The following RIMS1 variants were observed in gnomAD, a reference collection of about 807,000 sequenced individuals.
The protein encoded by RIMS1 is regulating synaptic membrane exocytosis protein 1.
In RIMS1, 83 loss-of-function variants were observed where a neutral mutation model predicts 214.1. The observed-to-expected ratio is 0.39, with a 90% CI of 0.32 to 0.47. The LOEUF (loss-of-function observed/expected upper bound fraction) is 0.47. Among genes scored for constraint, RIMS1 ranks in the 20% least tolerant of loss-of-function variants. The pLI is 0.99. For synonymous variants in RIMS1, 793 were observed against 786.8 expected, an observed-to-expected ratio of 1.01 and a Z score of -0.13; for missense variants, 2,050 against 2,161.8, an observed-to-expected ratio of 0.95 and a Z score of 1.03.
rs563081375 is a variant in RIMS1, at chr6:71,954,305, T to C, written c.165-14678T>C. Among the ~76,000 whole-genome samples, 3 of 152,342 alleles carry C rather than the reference T, an allele frequency of 2.0e-5. No individual in the cohort carries two copies. In the South Asian group the frequency reaches 6.2e-4, roughly 32 times the overall value. On this transcript the variant is annotated intron_variant, in intron 1 of 33. Transcript: ENST00000521978. ...ATCTTAAGTAATATTTTCTGAGAAA[T>C]ACTGAATGCAAATTTACCTCTCAAA...
chr6:71,926,240 CT>C (rs1396966951), intron 1 of RIMS1, among the ~76,000 whole-genome samples: 2 of 152,084 alleles, frequency 1.3e-5, no homozygotes, highest in Non-Finnish European at 2.9e-5. Context: ...CCTTCTGGTG[CT>C]TTTTAAAATA....
Position 72,182,822 on chromosome 6 carries a change from G to T in RIMS1, c.1351G>T (p.Ala451Ser). 1 of 1,550,248 alleles carries T rather than the reference G, an allele frequency of 6.5e-7. No homozygotes were observed. ...GCAGCTAACGAACCACAGCCCGCCG[G>T]CGCCCAGACATGGGCCGGTTCCCGC... ...AKQLTNHSPP[A>S]PRHGPVPAEA... Residue 451 changes from alanine to serine, a missense_variant, in exon 6 of 34, where the codon GCG (alanine) becomes TCG (serine). Ala to Ser is a moderately conservative substitution (Grantham distance 99, BLOSUM62 1). This residue lies in a region of RIMS1 where 882 missense variants were observed against 828.9 expected (regional missense o/e 1.06). Coordinates refer to ENST00000521978, the MANE Select transcript of RIMS1 (RefSeq NM_014989.7).
At chr6:72,249,901 CTT>C (rs1184010934) in intron 12 of RIMS1, among the ~76,000 whole-genome samples, 1 of 152,014 alleles carries the variant, frequency 6.6e-6, no homozygotes, top group Non-Finnish European at 1.5e-5. Context: ...TATCCAAACT[CTT>C]GTTTTTTTTA....
chr6:72,294,185 T>G (rs2154257668), intron 26 of RIMS1, among the ~76,000 whole-genome samples: 1 of 151,876 alleles, frequency 6.6e-6, no homozygotes, highest in East Asian at 1.9e-4. Flanking sequence ...ATGACAGCTT[T>G]GTTTGTCCTA....
chr6:72,240,339 G>A (rs2697447), intron 9 of RIMS1, among the ~76,000 whole-genome samples: 107,107 of 151,924 alleles, frequency 0.71, 38,653 homozygotes, highest in East Asian at 0.98. Flanking sequence ...GCTGGTTGCA[G>A]CTCATTATTG....
rs140935517 is a variant in RIMS1 at position 72,188,358 on chromosome 6, A to G, written c.1678+5209A>G. ...GTAATAATTATGCCGAACATAATAC[A>G]ACTATCCTTCGTACAACCAGAAAGT... On this transcript the variant is annotated intron_variant, in intron 6 of 33. Coordinates refer to ENST00000521978, the MANE Select transcript of RIMS1 (RefSeq NM_014989.7). 2.0e-5 allele frequency among the ~76,000 whole-genome samples: 3 copies of G among 152,360 alleles called. No homozygotes were observed. In the East Asian group the frequency reaches 5.8e-4, roughly 29 times the overall value.
intron 4 of RIMS1, among the ~76,000 whole-genome samples, chr6:72,150,226 A>AAG (rs572803137): frequency 2.0e-5 from 3 of 152,112 alleles, no homozygotes; most frequent in Non-Finnish European, 4.4e-5. Flanking sequence ...AGGCCAGTCA[A>AAG]AGGTGGGCAT....
At chr6:71,955,574 A>T (rs1475739853) in intron 1 of RIMS1, among the ~76,000 whole-genome samples, 1 of 152,124 alleles carries the variant, frequency 6.6e-6, no homozygotes, top group Non-Finnish European at 1.5e-5. Flanking sequence ...TTTGTTACTG[A>T]TTTATAGTAA....
intron 7 of RIMS1, among the ~76,000 whole-genome samples, 196 bp downstream of exon 7, chr6:72,234,036 A>G (rs2063089912): frequency 6.6e-6 from 1 of 152,062 alleles, no homozygotes; most frequent in African/African-American, 2.4e-5. Flanking sequence ...GTAAAAAACA[A>G]TTATTAAATA....
intron 1 of RIMS1, among the ~76,000 whole-genome samples, chr6:71,961,435 G>A (rs973872567): frequency 3.3e-5 from 5 of 151,458 alleles, no homozygotes; most frequent in Admixed American, 3.3e-4. Flanking sequence ...CTTTCCCATG[G>A]GTAATTACTC....
At position 72,091,150 on chromosome 6, in the gene RIMS1, A is replaced by G. The variant is rs151135587; in HGVS notation, c.246-5799A>G. ...CTGTTGGAAGTCCTGCATGCAAACT[A>G]TCCTGGCCTCTGCCCTGCTTTTACC... On this transcript the variant is annotated intron_variant, in intron 2 of 33. Coordinates refer to ENST00000521978, the MANE Select transcript of RIMS1 (RefSeq NM_014989.7). Among the ~76,000 whole-genome samples, 379 of 152,332 alleles carry G rather than the reference A, an allele frequency of 2.5e-3. 2 individuals are homozygous for G. Among genetic ancestry groups the G allele is most frequent in the Middle Eastern group, 6.8e-3 (2 of 294 alleles).
chr6:72,117,653 A>T (rs564987308), intron 4 of RIMS1, among the ~76,000 whole-genome samples: 26 of 152,152 alleles, frequency 1.7e-4, no homozygotes, highest in African/African-American at 6.0e-4. Flanking sequence ...CATGGAAATT[A>T]AATAATATAC....
chr6:72,319,150 G>A (rs1593289440), intron 28 of RIMS1, among the ~76,000 whole-genome samples: 1 of 152,108 alleles, frequency 6.6e-6, no homozygotes, highest in Non-Finnish European at 1.5e-5. Context: ...CCAAGTTAGA[G>A]GGCAAATGCC....
chr6:72,229,716 T>C (rs1015985237), intron 6 of RIMS1, among the ~76,000 whole-genome samples: 22 of 151,988 alleles, frequency 1.4e-4, no homozygotes, highest in African/African-American at 5.3e-4. Flanking sequence ...TTTCAGTATA[T>C]TAATCCAGAG....
intron 6 of RIMS1, among the ~76,000 whole-genome samples, chr6:72,187,479 G>GTTTTTTTTTTTTTTTTTTTTGTTT: frequency 8.0e-6 from 1 of 125,616 alleles, no homozygotes; most frequent in Non-Finnish European, 1.6e-5. Context: ...TATCCTTTTT[G>GTTTTTTTTTTTTTTTTTTTTGTTT]TTTTTTTTTT....
At chr6:72,390,872 C>G in intron 30 of RIMS1, 136 bp downstream of exon 30, 1 of 978,990 alleles carries the variant, frequency 1.0e-6, no homozygotes. Flanking sequence ...TTAAACCACC[C>G]TGATGGCTTA....
At chr6:72,148,712 G>A in intron 4 of RIMS1, 1 of 287,386 alleles carries the variant, frequency 3.5e-6, no homozygotes, top group Non-Finnish European at 6.3e-6. Flanking sequence ...CGGAGACTTG[G>A]GTTTTTTTTT....
rs541213085 is a variant in RIMS1, at chr6:72,353,280, C to T, written c.4366+19445C>T. Among the ~76,000 whole-genome samples, 8 of 152,160 alleles carry T rather than the reference C, an allele frequency of 5.3e-5. No homozygotes were observed. The South Asian group carries it at 8.3e-4, about 16-fold the overall frequency. On this transcript the variant is annotated intron_variant, in intron 29 of 33. Coordinates refer to ENST00000521978, the MANE Select transcript of RIMS1 (RefSeq NM_014989.7). Reference sequence around the variant, plus strand: ...GATTACAGGCATGAGCCACCACGTCCGGCTGAGTTTAAATTCTGTTCTAAA... The same window carrying T: ...GATTACAGGCATGAGCCACCACGTCTGGCTGAGTTTAAATTCTGTTCTAAA...
At chr6:72,169,774 C>A (rs1017122645) in intron 4 of RIMS1, among the ~76,000 whole-genome samples, 22 of 152,138 alleles carry the variant, frequency 1.4e-4, no homozygotes, top group Admixed American at 4.6e-4. Context: ...ATTAGCTGAG[C>A]GTGGTGCCTG....
Sources: gnomAD v4.1 joint callset for allele counts (sites outside exome capture counted in the v4.1 genomes callset) on GRCh38, gnomAD v4.1.1 for gene constraint, gnomAD v4.1.1 regional missense constraint, MANE v1.5 for transcripts, NCBI Gene and HGNC (gene_info 2026-07-23, HGNC 2026-07-21) for gene names.